The following LDLRAD3 variants were observed in gnomAD, a reference collection of about 807,000 sequenced individuals.
LDLRAD3 encodes the protein low density lipoprotein receptor class A domain containing 3, also known as low-density lipoprotein receptor class A domain-containing protein 3.
Under a neutral mutation model 29.4 loss-of-function variants are expected in LDLRAD3, and 20 were observed. The ratio of observed to expected loss-of-function variants is 0.68; its 90% confidence interval spans 0.48 to 0.99. The LOEUF (loss-of-function observed/expected upper bound fraction) is 0.99. Ranked by LOEUF, LDLRAD3 falls within the 50% of genes least tolerant of loss-of-function variation. The probability of loss-of-function intolerance (pLI) is 0.00; values close to 1 mark genes in which losing one functional copy is unlikely to be tolerated. For synonymous variants in LDLRAD3, 157 were observed against 192.7 expected (o/e 0.81, Z 1.53); for missense variants, 420 against 454.3 (o/e 0.92, Z 0.69).
rs758813639 is a variant in LDLRAD3 at position 36,036,171 on chromosome 11, A to G, written c.115A>G (p.Asn39Asp). 1 of 1,614,164 alleles carries G rather than the reference A, an allele frequency of 6.2e-7. No individual in the cohort carries two copies. Among genetic ancestry groups the G allele is most frequent in the South Asian group, 1.1e-5 (1 of 91,084 alleles). The change falls in exon 2 of 6, where the codon AAT becomes GAT. Residue 39 changes from asparagine to aspartate, a missense_variant. By Grantham distance (23) the Asn-to-Asp change is conservative. Transcript: ENST00000315571. ...CATACCAGGCAACTTCATGTGCAGC[A>G]ATGGACGGTGCATCCCGGGCGCCTG... Reference protein sequence around the residue: ...CNIPGNFMCSNGRCIPGAWQC... With the variant: ...CNIPGNFMCSDGRCIPGAWQC...
At chr11:36,015,316 C>A (rs139308461) in intron 1 of LDLRAD3, among the ~76,000 whole-genome samples, 1 of 136,952 alleles carries the variant, frequency 7.3e-6, no homozygotes, top group Admixed American at 7.3e-5. Flanking sequence ...TCCCCCCCCC[C>A]GCCCCCTGCC....
intron 1 of LDLRAD3, among the ~76,000 whole-genome samples, chr11:35,990,673 C>T (rs1450157036): frequency 1.3e-5 from 2 of 152,000 alleles, no homozygotes; most frequent in East Asian, 1.9e-4. Context: ...GCCTCGGCCT[C>T]CCAAAGTGCT....
rs149802812 is a variant in LDLRAD3, at chr11:36,113,871, G to A, written c.454+15410G>A. 9.5e-3 allele frequency among the ~76,000 whole-genome samples: 1,449 copies of A among 151,992 alleles called. 26 individuals carry two copies. Among genetic ancestry groups the A allele is most frequent in the African/African-American group, 0.034 (1,389 of 41,450 alleles). The stretch of plus-strand genomic sequence containing the variant: ...GTATTTTTAGTAGAGACGGAGTTTC[G>A]CCATTTTGGCCAGGCCGGTCTCAAA... On this transcript the variant is annotated intron_variant, in intron 4 of 5. Coordinates refer to ENST00000315571, the MANE Select transcript of LDLRAD3 (RefSeq NM_174902.4).
At position 36,011,857 on chromosome 11, in the gene LDLRAD3, A is replaced by G. The variant is rs535155251; in HGVS notation, c.47-24246A>G. On this transcript the variant is annotated intron_variant, in intron 1 of 5. Transcript: ENST00000315571. ...AAAGCACCAGTGCAGGCTCTAACAC[A>G]TAGTGGGTGCTCCACGAATGCAGGC... Among the ~76,000 whole-genome samples the G allele has an allele frequency of 2.4e-4, 36 of 152,306 alleles. No individual in the cohort carries two copies. The South Asian group carries it at 7.5e-3, about 32-fold the overall frequency.
intron 5 of LDLRAD3, among the ~76,000 whole-genome samples, chr11:36,228,328 T>C (rs1855527974): frequency 6.6e-6 from 1 of 152,232 alleles, no homozygotes; most frequent in Non-Finnish European, 1.5e-5. Context: ...GTGTAAGAAT[T>C]CAGGACCTTC....
At chr11:36,055,002 CATG>C (rs1852595966) in intron 2 of LDLRAD3, among the ~76,000 whole-genome samples, 2 of 46,656 alleles carry the variant, frequency 4.3e-5, no homozygotes, top group Admixed American at 2.2e-4. Context: ...TGGATGGATG[CATG>C]GATGGATAGA....
rs1426571675 is a variant in LDLRAD3 at position 35,944,065 on chromosome 11, A to G, written c.-34A>G. The stretch of plus-strand genomic sequence containing the variant: ...TCAGCGCCGAGGCCGCGGGGGCAGC[A>G]ACGACGCCGGGCAGCGGGAGCGGCG... On this transcript the variant is annotated 5_prime_UTR_variant, in exon 1 of 6. Coordinates refer to ENST00000315571, the MANE Select transcript of LDLRAD3 (RefSeq NM_174902.4). This position sits in a 1 kb window ranked among gnomAD's most constrained non-coding sequence, Gnocchi z 4.9. 3 of 1,076,286 alleles carry G rather than the reference A, an allele frequency of 2.8e-6. No homozygotes were observed. The highest frequency in any genetic ancestry group is 3.4e-6 in the Non-Finnish European group (3 of 888,850). The allele number at this position is 1,076,286 out of a possible 1,614,324, so 66.7% of individuals were successfully genotyped here. A position where few individuals can be genotyped will look rare whatever the true frequency, so the allele number is the denominator to read the frequency against.
At chr11:35,962,205 C>G (rs1851285916) in intron 1 of LDLRAD3, among the ~76,000 whole-genome samples, 1 of 151,876 alleles carries the variant, frequency 6.6e-6, no homozygotes, top group Non-Finnish European at 1.5e-5. Flanking sequence ...TTTGTTGATT[C>G]TAAAATCCTC....
At chr11:36,176,454 G>GTT (rs34449558) in intron 4 of LDLRAD3, among the ~76,000 whole-genome samples, 1 of 145,166 alleles carries the variant, frequency 6.9e-6, no homozygotes, top group African/African-American at 2.5e-5. Flanking sequence ...GTATTTCAAG[G>GTT]TTTTTTTTTT....
intron 1 of LDLRAD3, among the ~76,000 whole-genome samples, chr11:35,945,693 G>C (rs2133119383): frequency 6.6e-6 from 1 of 152,320 alleles, no homozygotes; most frequent in African/African-American, 2.4e-5. Flanking sequence ...CACCTGAGAA[G>C]GACAGTATGG....
chr11:36,174,991 A>T lies in LDLRAD3; in HGVS notation c.455-52094A>T, dbSNP rs563907979. On this transcript the variant is annotated intron_variant, in intron 4 of 5. Coordinates refer to ENST00000315571, the MANE Select transcript of LDLRAD3 (RefSeq NM_174902.4). ...GCGAGACTCCGTCTCAAAAAAAAAGAAAAGAAAAGAAAAAAAGAATGGCGA... is the reference window on the plus strand; with the variant it reads ...GCGAGACTCCGTCTCAAAAAAAAAGTAAAGAAAAGAAAAAAAGAATGGCGA... Among the ~76,000 whole-genome samples, 181 of 152,254 alleles carry T rather than the reference A, an allele frequency of 1.2e-3. 1 individual carries two copies. Among genetic ancestry groups the T allele is most frequent in the African/African-American group, 4.2e-3 (176 of 41,548 alleles).
intron 1 of LDLRAD3, among the ~76,000 whole-genome samples, chr11:35,993,185 G>A (rs1180803468): frequency 6.6e-5 from 10 of 152,198 alleles, no homozygotes. Flanking sequence ...TGCTAGCTAA[G>A]AGGTTGGGTA....
chr11:36,039,509 G>A (rs992288548), intron 2 of LDLRAD3, among the ~76,000 whole-genome samples: 2 of 152,178 alleles, frequency 1.3e-5, no homozygotes, highest in Non-Finnish European at 2.9e-5. Flanking sequence ...ACTTAACAGT[G>A]TTGTGAAATT....
rs567767883 is a variant in LDLRAD3 at position 36,191,515 on chromosome 11, C to G, written c.455-35570C>G. On this transcript the variant is annotated intron_variant, in intron 4 of 5. Coordinates refer to ENST00000315571, the MANE Select transcript of LDLRAD3 (RefSeq NM_174902.4). Reference sequence around the variant, plus strand: ...CTATGAGCGCGCCACTGCACTCTAGCCTGGGTGACAGAGCAAGACCCTGTC... The same window carrying G: ...CTATGAGCGCGCCACTGCACTCTAGGCTGGGTGACAGAGCAAGACCCTGTC... Among the ~76,000 whole-genome samples, 3 of 138,350 alleles carry G rather than the reference C, an allele frequency of 2.2e-5. No homozygotes were observed. In the South Asian group the frequency reaches 7.6e-4, roughly 35 times the overall value. 90.8% of individuals were successfully genotyped at this position (138,350 alleles called of 152,430 possible).
chr11:36,100,403 G>C (rs1853428555), intron 4 of LDLRAD3, among the ~76,000 whole-genome samples: 1 of 152,220 alleles, frequency 6.6e-6, no homozygotes, highest in Non-Finnish European at 1.5e-5. Flanking sequence ...GCATAGATAG[G>C]AAGGATTGAG....
chr11:35,989,472 C>T (rs1029446556), intron 1 of LDLRAD3, among the ~76,000 whole-genome samples: 1 of 152,168 alleles, frequency 6.6e-6, no homozygotes, highest in Non-Finnish European at 1.5e-5. Flanking sequence ...GCAGTATGGC[C>T]ATTTTAACAA....
chr11:35,975,517 T>G (rs1458296202), intron 1 of LDLRAD3, among the ~76,000 whole-genome samples: 1 of 152,200 alleles, frequency 6.6e-6, no homozygotes, highest in Non-Finnish European at 1.5e-5. Flanking sequence ...TAAGTCAATT[T>G]TGTTACCTAC....
At chr11:36,015,623 C>T (rs930413583) in intron 1 of LDLRAD3, among the ~76,000 whole-genome samples, 1 of 151,704 alleles carries the variant, frequency 6.6e-6, no homozygotes, top group Non-Finnish European at 1.5e-5. Context: ...CATTGCCAAC[C>T]CCAGAGCCCC....
At chr11:36,187,503 G>C (rs572707122) in intron 4 of LDLRAD3, among the ~76,000 whole-genome samples, 1 of 152,166 alleles carries the variant, frequency 6.6e-6, no homozygotes, top group South Asian at 2.1e-4. Context: ...TTTTTCAGTG[G>C]CTATCATATA....
Sources: allele counts gnomAD v4.1 joint callset (sites outside exome capture counted in the v4.1 genomes callset), GRCh38; gene constraint gnomAD v4.1.1; non-coding constraint Gnocchi (gnomAD v3.1); transcripts MANE v1.5; gene names NCBI Gene and HGNC (gene_info 2026-07-23, HGNC 2026-07-21).